PKD1: variants seen among roughly 807,000 people sequenced by gnomAD.
PKD1 encodes polycystin 1, transient receptor potential channel interacting, also known as polycystin-1.
In PKD1, 81 loss-of-function variants were observed where a neutral mutation model predicts 361.7. That is an observed-to-expected ratio of 0.22 (90% CI 0.19 to 0.27). The LOEUF is 0.27. Ranked by LOEUF, PKD1 falls within the 10% of genes least tolerant of loss-of-function variation. The probability of loss-of-function intolerance (pLI) is 1.00; values close to 1 mark genes in which losing one functional copy is unlikely to be tolerated. For synonymous variants in PKD1, 3,615 were observed against 2,818.3 expected (o/e 1.28, Z -8.95); for missense variants, 6,399 against 6,118.3 (o/e 1.05, Z -1.53).
intron 16 of PKD1, chr16:2,107,342 G>A (rs2092375699): frequency 2.7e-6 from 1 of 376,906 alleles, no homozygotes; most frequent in Non-Finnish European, 5.1e-6. Flanking sequence ...AGGAGGCTGA[G>A]CTGGGATGGA....
At position 2,118,575 on chromosome 16, in the gene PKD1, C is replaced by G. The variant is rs1312550184; in HGVS notation, c.529+101G>C. The G allele has an allele frequency of 7.3e-5, 65 of 890,850 alleles. No homozygotes were observed. The highest frequency in any genetic ancestry group is 1.1e-4 in the Non-Finnish European group (60 of 561,396). 55.2% of individuals were successfully genotyped at this position (890,850 alleles called of 1,614,324 possible). ...CCATGCTGTTCCCTTGGCCCGGAGG[C>G]CCCCCCCAGAGAGGCCTTCCTGAGC... On this transcript the variant is annotated intron_variant, in intron 4 of 45. Coordinates refer to ENST00000262304, the MANE Select transcript of PKD1 (RefSeq NM_001009944.3). The surrounding 1 kb of genome is among the most constrained non-coding windows in gnomAD (Gnocchi z 6.0).
rs2151800160 is a variant in PKD1, at chr16:2,111,445, A to G, written c.3722T>C (p.Ile1241Thr). The G allele has an allele frequency of 6.2e-7, 1 of 1,611,824 alleles. No homozygotes were observed. Among genetic ancestry groups the G allele is most frequent in the East Asian group, 2.2e-5 (1 of 44,838 alleles). ...VSAAVQTGDN[I>T]TWTFDMGDGT... Reference sequence around the variant, plus strand: ...GTCCCCCATGTCGAAGGTCCACGTGATGTTGTCGCCCGTCTGCACCGCGGC... The same window carrying G: ...GTCCCCCATGTCGAAGGTCCACGTGGTGTTGTCGCCCGTCTGCACCGCGGC... The change falls in exon 15 of 46, where the codon ATC becomes ACC. Residue 1241 changes from isoleucine (I) to threonine (T), a missense_variant. By Grantham distance (89) the Ile-to-Thr change is moderately conservative (BLOSUM62 -1). Coordinates refer to ENST00000262304, the MANE Select transcript of PKD1 (RefSeq NM_001009944.3).
intron 11 of PKD1, chr16:2,113,815 T>A (rs2092580277): frequency 1.2e-5 from 5 of 413,920 alleles, no homozygotes; most frequent in South Asian, 1.2e-4. Flanking sequence ...CAGTTTCCCA[T>A]CAGGGGTTCA....
chr16:2,129,624 C>T (rs1322305316), intron 1 of PKD1, among the ~76,000 whole-genome samples: 1 of 147,204 alleles, frequency 6.8e-6, no homozygotes, highest in East Asian at 2.0e-4. Flanking sequence ...GATCACAGCT[C>T]ACTGCAGCCT....
At chr16:2,123,950 G>T (rs1219258460) in intron 1 of PKD1, among the ~76,000 whole-genome samples, 1 of 152,198 alleles carries the variant, frequency 6.6e-6, no homozygotes, top group Admixed American at 6.5e-5. Flanking sequence ...CGGGACACAA[G>T]GGGTCCCCAG....
At position 2,111,290 on chromosome 16, in the gene PKD1, C is replaced by T. The variant is rs774353552; in HGVS notation, c.3877G>A (p.Val1293Ile). 14 of 1,609,262 alleles carry T rather than the reference C, an allele frequency of 8.7e-6. No individual in the cohort carries two copies. Among genetic ancestry groups the T allele is most frequent in the Middle Eastern group, 1.8e-4 (1 of 5,466 alleles). ...GGTTCAACGCGCAGCACCTCCAGGA[C>T]GAAGACCAGCACGTGCAGGCTCCGG... ...LARSLHVLVF[V>I]LEVLRVEPAA... Residue 1293 changes from valine to isoleucine, a missense_variant, in exon 15 of 46, where the codon GTC (valine) becomes ATC (isoleucine). Physicochemically the swap from Val to Ile is conservative, Grantham distance 29 (BLOSUM62 3). Transcript: ENST00000262304.
intron 14 of PKD1, among the ~76,000 whole-genome samples, chr16:2,112,132 G>GGGGGCGCAGTTCA (rs2092528270): frequency 6.6e-6 from 1 of 152,204 alleles, no homozygotes; most frequent in Non-Finnish European, 1.5e-5. Flanking sequence ...GGGGAGGGCG[G>GGGGGCGCAGTTCA]GGGGCGCAGT....
At position 2,091,408 on chromosome 16, in the gene PKD1, C is replaced by G; in HGVS notation, c.11712+15G>C. On this transcript the variant is annotated intron_variant, in intron 42 of 45. Transcript: ENST00000262304. ...GCCGGTGGGAGGCGCGGGGTCTGGCCGGGGACGGGCGTACCGAGGTGAGCA... is the reference window on the plus strand; with the variant it reads ...GCCGGTGGGAGGCGCGGGGTCTGGCGGGGGACGGGCGTACCGAGGTGAGCA... 4 of 1,134,024 alleles carry G rather than the reference C, an allele frequency of 3.5e-6. No individual in the cohort carries two copies. The highest frequency in any genetic ancestry group is 4.3e-6 in the Non-Finnish European group (4 of 924,584). 70.2% of individuals were successfully genotyped at this position (1,134,024 alleles called of 1,614,324 possible). A position where few individuals can be genotyped will look rare whatever the true frequency, so the allele number is the denominator to read the frequency against.
At chr16:2,129,487 C>T (rs1352160392) in intron 1 of PKD1, among the ~76,000 whole-genome samples, 5 of 151,504 alleles carry the variant, frequency 3.3e-5, no homozygotes, top group South Asian at 2.1e-4. Context: ...TCTTCTCACA[C>T]GCTGTTGGCC....
intron 25 of PKD1, 21 bp downstream of exon 25, chr16:2,102,360 C>T (rs1324325883): frequency 7.7e-6 from 12 of 1,551,726 alleles, no homozygotes; most frequent in Middle Eastern, 2.3e-4. Flanking sequence ...CAGAGGCTCC[C>T]AGGAGCACAG....
intron 30 of PKD1, 116 bp downstream of exon 30, chr16:2,099,528 A>G (rs1278878274): frequency 9.4e-6 from 8 of 853,060 alleles, no homozygotes; most frequent in Non-Finnish European, 1.3e-5. Flanking sequence ...CTTCCCGAGC[A>G]GCCTTTGGTG....
Position 2,090,580 on chromosome 16 carries a change from G to T in PKD1, c.12149C>A (p.Ser4050Tyr). The change falls in exon 45 of 46, where the codon TCC (serine) becomes TAC (tyrosine). Residue 4050 changes from serine (S) to tyrosine (Y), a missense_variant. By Grantham distance (144) the Ser-to-Tyr change is moderately radical (BLOSUM62 -2). Coordinates refer to ENST00000262304, the MANE Select transcript of PKD1 (RefSeq NM_001009944.3). ...YAQLAILLVS[S>Y]CVDSLWSVAQ... ...CACGCTCCAGAGGGAGTCCACACAG[G>T]AAGACACGAGCTGCGGGGAAGGCGA... 1 of 1,608,766 alleles carries T rather than the reference G, an allele frequency of 6.2e-7. No homozygotes were observed. The highest frequency in any genetic ancestry group is 8.5e-7 in the Non-Finnish European group (1 of 1,179,730).
At position 2,103,486 on chromosome 16, in the gene PKD1, G is replaced by A. The variant is rs1433571284; in HGVS notation, c.8571C>T (p.Ala2857=). The A allele has an allele frequency of 1.9e-5, 31 of 1,602,334 alleles. No individual in the cohort carries two copies. Among genetic ancestry groups the A allele is most frequent in the African/African-American group, 1.2e-4 (9 of 74,862 alleles). Residue 2857 remains alanine, a synonymous_variant, in exon 23 of 46, where the codon GCC becomes GCT. Transcript: ENST00000262304. ...KVASMAFQTQ[A]GAQIPIERLA... ...GCCGCTCGATGGGGATCTGGGCGCC[G>A]GCCTGTGTCTGGAATGCCATCGAGG...
chr16:2,097,906 C>G lies in PKD1; in HGVS notation c.10129G>C (p.Asp3377His), dbSNP rs751179613. The change falls in exon 31 of 46, where the codon GAC becomes CAC. Residue 3377 changes from aspartate (D) to histidine (H), a missense_variant. Physicochemically the swap from Asp to His is moderately conservative, Grantham distance 81. Transcript: ENST00000262304. ...IDSCLDSSVL[D>H]SSFLTFSGLH... ...CCTGAGAACGTGAGGAAGGAGCTGTCCAGCACGGACGAGTCCAGGCAGCTG... is the reference window on the plus strand; with the variant it reads ...CCTGAGAACGTGAGGAAGGAGCTGTGCAGCACGGACGAGTCCAGGCAGCTG... 7 of 1,604,532 alleles carry G rather than the reference C, an allele frequency of 4.4e-6. No individual in the cohort carries two copies. The African/African-American group carries it at 5.4e-5, about 12-fold the overall frequency.
chr16:2,101,547 G>A (rs887261927), intron 26 of PKD1, among the ~76,000 whole-genome samples: 2 of 152,216 alleles, frequency 1.3e-5, no homozygotes, highest in Non-Finnish European at 1.5e-5. Context: ...AAACCCGGGA[G>A]CTGGAAGTTG....
Position 2,105,479 on chromosome 16 carries a change from G to A in PKD1, c.7864-5C>T, listed in dbSNP as rs755217593. 13 of 1,594,784 alleles carry A rather than the reference G, an allele frequency of 8.2e-6. No individual in the cohort carries two copies. The highest frequency in any genetic ancestry group is 1.1e-5 in the South Asian group (1 of 90,980). ...CACGTCCAGGGCCCGCTCGTACTGG[G>A]GCAGGCAGGGGGCACAGCAAGCTGT... is the stretch of plus-strand genomic sequence containing the variant. On this transcript the variant is annotated splice_region_variant and splice_polypyrimidine_tract_variant and intron_variant, in intron 20 of 45. Coordinates refer to ENST00000262304, the MANE Select transcript of PKD1 (RefSeq NM_001009944.3).
intron 13 of PKD1, 55 bp downstream of exon 13, chr16:2,112,733 T>C: frequency 6.4e-7 from 1 of 1,563,736 alleles, no homozygotes; most frequent in Non-Finnish European, 8.7e-7. Context: ...CGGCTGAGGC[T>C]GGGGCTGGGA....
intron 22 of PKD1, 131 bp downstream of exon 22, chr16:2,104,367 G>C: frequency 5.3e-5 from 29 of 548,800 alleles, no homozygotes; most frequent in Admixed American, 7.6e-5. Context: ...GGGGGATGAG[G>C]ATGGGAATTG....
rs762887911 is a variant in PKD1 at position 2,111,726 on chromosome 16, G to A, written c.3441C>T (p.Tyr1147=). The A allele has an allele frequency of 7.5e-6, 12 of 1,595,484 alleles. No homozygotes were observed. The highest frequency in any genetic ancestry group is 1.0e-5 in the Non-Finnish European group (12 of 1,172,756). The change falls in exon 15 of 46, where the codon TAC becomes TAT. Residue 1147 remains tyrosine, a synonymous_variant. Coordinates refer to ENST00000262304, the MANE Select transcript of PKD1 (RefSeq NM_001009944.3). ...VLVAGRPVTF[Y]PHPLPSPGGV... ...CCCCAGGCGAGGGCAGCGGGTGCGG[G>A]TAGAAGGTGACGGGCCGGCCGGCCA...
Sources: gnomAD v4.1 joint callset for allele counts (sites outside exome capture counted in the v4.1 genomes callset) on GRCh38, gnomAD v4.1.1 for gene constraint, Gnocchi (gnomAD v3.1) non-coding constraint, MANE v1.5 for transcripts, NCBI Gene and HGNC (gene_info 2026-07-23, HGNC 2026-07-21) for gene names.